MDGA2: variants seen among roughly 807,000 people sequenced by gnomAD.
MDGA2 encodes MAM domain-containing glycosylphosphatidylinositol anchor protein 2.
In MDGA2, 40 loss-of-function variants were observed where a neutral mutation model predicts 117.8. The ratio of observed to expected loss-of-function variants is 0.34; its 90% CI spans 0.26 to 0.44. The LOEUF (loss-of-function observed/expected upper bound fraction) is 0.44, where lower values mean the gene tolerates loss of function less well. MDGA2 is among the 20% of genes least tolerant of loss of function. The probability of loss-of-function intolerance (pLI) is 1.00; values close to 1 mark genes in which losing one functional copy is unlikely to be tolerated. For missense variants in MDGA2, 1,123 were observed against 1,250.6 expected (o/e 0.90, Z 1.54); for synonymous variants, 452 against 439.0 (o/e 1.03, Z -0.37).
chr14:47,349,737 C>T lies in MDGA2; in HGVS notation c.281-48187G>A, dbSNP rs113631959. ...GAAATGTTTAGAGATAAAAGGCAATCGATACTAGAGTCAGTCCTTTCTGTT... is the reference window on the plus strand; with the variant it reads ...GAAATGTTTAGAGATAAAAGGCAATTGATACTAGAGTCAGTCCTTTCTGTT... On this transcript the variant is annotated intron_variant, in intron 1 of 16. Transcript: ENST00000399232. Among the ~76,000 whole-genome samples, 83 of 152,322 alleles carry T rather than the reference C, an allele frequency of 5.4e-4. 1 individual carries two copies. The highest frequency in any genetic ancestry group is 1.9e-3 in the African/African-American group (78 of 41,576).
intron 2 of MDGA2, among the ~76,000 whole-genome samples, chr14:47,241,642 G>A (rs1010832439): frequency 6.6e-6 from 1 of 151,818 alleles, no homozygotes; most frequent in African/African-American, 2.4e-5. Flanking sequence ...GAATAATTAT[G>A]TGAAAAGAGT....
intron 8 of MDGA2, among the ~76,000 whole-genome samples, chr14:46,985,355 C>T (rs1298682151): frequency 6.6e-6 from 1 of 151,996 alleles, no homozygotes; most frequent in Non-Finnish European, 1.5e-5. Flanking sequence ...GAATCCAGCA[C>T]AAGTACTTAA....
chr14:47,609,113 G>A (rs185804351), intron 1 of MDGA2, among the ~76,000 whole-genome samples: 3 of 151,592 alleles, frequency 2.0e-5, no homozygotes, highest in Admixed American at 6.6e-5. Context: ...TTGGTTACAT[G>A]AGTAAGTTCT....
At chr14:46,973,862 A>C (rs2138344038) in intron 8 of MDGA2, among the ~76,000 whole-genome samples, 1 of 151,834 alleles carries the variant, frequency 6.6e-6, no homozygotes, top group Non-Finnish European at 1.5e-5. Flanking sequence ...CAAAATCAAC[A>C]TACTAAATCA....
intron 7 of MDGA2, among the ~76,000 whole-genome samples, chr14:47,051,241 T>TATC (rs751273017): frequency 9.9e-5 from 15 of 152,020 alleles, no homozygotes; most frequent in African/African-American, 3.6e-4. Flanking sequence ...TGAAAGGCAT[T>TATC]AGGTCATCAA....
intron 1 of MDGA2, among the ~76,000 whole-genome samples, chr14:47,609,835 G>C (rs1239521528): frequency 6.6e-6 from 1 of 151,878 alleles, no homozygotes; most frequent in Non-Finnish European, 1.5e-5. Context: ...CCACAAGACA[G>C]AGACAGAGGG....
chr14:47,085,873 C>A (rs2138916505), intron 6 of MDGA2, among the ~76,000 whole-genome samples: 1 of 151,902 alleles, frequency 6.6e-6, no homozygotes, highest in Middle Eastern at 3.4e-3. Context: ...ATCTGTAAGC[C>A]CAGATGGCTT....
chr14:47,552,826 T>C (rs1410120894), intron 1 of MDGA2, among the ~76,000 whole-genome samples: 1 of 152,210 alleles, frequency 6.6e-6, no homozygotes, highest in African/African-American at 2.4e-5. Context: ...TTTTTCAGTC[T>C]CCATGTGACT....
At chr14:47,292,429 G>T (rs1189285300) in intron 2 of MDGA2, among the ~76,000 whole-genome samples, 1 of 152,100 alleles carries the variant, frequency 6.6e-6, no homozygotes, top group African/African-American at 2.4e-5. Context: ...AATAACCGTA[G>T]ATCAATCCAC....
chr14:47,374,085 G>A (rs1290619452), intron 1 of MDGA2, among the ~76,000 whole-genome samples: 2 of 152,060 alleles, frequency 1.3e-5, no homozygotes, highest in Admixed American at 1.3e-4. Context: ...GGCTTTTTAA[G>A]CAGTGTCTAA....
At chr14:47,306,842 G>GAGAGAGA (rs1889463106) in intron 1 of MDGA2, among the ~76,000 whole-genome samples, 3 of 146,596 alleles carry the variant, frequency 2.0e-5, no homozygotes, top group African/African-American at 5.1e-5. Context: ...AGAGAAAGAG[G>GAGAGAGA]GAGAGAGAGA....
intron 1 of MDGA2, among the ~76,000 whole-genome samples, chr14:47,446,120 T>C (rs2138559135): frequency 6.6e-6 from 1 of 152,208 alleles, no homozygotes; most frequent in East Asian, 1.9e-4. Flanking sequence ...CTTAAAAAAA[T>C]TAAGAACTTC....
At chr14:46,984,184 A>G (rs1412718306) in intron 8 of MDGA2, among the ~76,000 whole-genome samples, 2 of 151,922 alleles carry the variant, frequency 1.3e-5, no homozygotes, top group Non-Finnish European at 2.9e-5. Context: ...ACAGAAAATC[A>G]TATACTCAGT....
intron 1 of MDGA2, among the ~76,000 whole-genome samples, chr14:47,387,584 G>A (rs750172904): frequency 3.3e-5 from 5 of 152,148 alleles, no homozygotes; most frequent in Non-Finnish European, 5.9e-5. Context: ...AGTTGCCGAA[G>A]TTGTTCTAAA....
intron 1 of MDGA2, among the ~76,000 whole-genome samples, chr14:47,622,846 T>C (rs1005247094): frequency 3.9e-5 from 6 of 152,186 alleles, no homozygotes; most frequent in African/African-American, 1.4e-4. Flanking sequence ...GAGTAGCTTC[T>C]GATGCCAGAT....
chr14:47,585,278 T>C (rs1896303349), intron 1 of MDGA2, among the ~76,000 whole-genome samples: 1 of 151,856 alleles, frequency 6.6e-6, no homozygotes, highest in East Asian at 1.9e-4. Flanking sequence ...TCTCCAGATG[T>C]TGGTTCACCC....
chr14:46,915,905 G>A (rs1447843107), intron 10 of MDGA2, among the ~76,000 whole-genome samples: 2 of 152,186 alleles, frequency 1.3e-5, no homozygotes, highest in Admixed American at 6.5e-5. Context: ...GGAGCTCACA[G>A]GATCTTGGTA....
chr14:46,889,472 T>C (rs1882796690), intron 10 of MDGA2, among the ~76,000 whole-genome samples: 1 of 152,110 alleles, frequency 6.6e-6, no homozygotes, highest in African/African-American at 2.4e-5. Context: ...CTTGAAAGCA[T>C]CCTGGTGTGG....
intron 1 of MDGA2, among the ~76,000 whole-genome samples, chr14:47,398,169 C>G (rs1196022311): frequency 6.6e-6 from 1 of 152,138 alleles, no homozygotes; most frequent in Non-Finnish European, 1.5e-5. Context: ...TACTATACGG[C>G]TCTTCAATTA....
Sources: allele counts gnomAD v4.1 joint callset (sites outside exome capture counted in the v4.1 genomes callset), GRCh38; gene constraint gnomAD v4.1.1; transcripts MANE v1.5; gene names NCBI Gene and HGNC (gene_info 2026-07-23, HGNC 2026-07-21).